The following INSYN2B variants were observed in gnomAD, a reference collection of about 807,000 sequenced individuals.
INSYN2B encodes the protein inhibitory synaptic factor family member 2B, also known as protein INSYN2B.
A neutral mutation model predicts 41.2 loss-of-function variants in INSYN2B; 16 were observed. The observed-to-expected ratio is 0.39, with a 90% CI of 0.26 to 0.59. The LOEUF (loss-of-function observed/expected upper bound fraction) is 0.59, where lower values mean the gene tolerates loss of function less well. Among genes scored for constraint, INSYN2B ranks in the 20% least tolerant of loss-of-function variants. The pLI is 0.57. For missense variants in INSYN2B, 608 were observed against 646.4 expected, an observed-to-expected ratio of 0.94 and a Z score of 0.64; for synonymous variants, 245 against 244.4, an observed-to-expected ratio of 1.00 and a Z score of -0.02.
chr5:169,936,497 A>G (rs747048422), intron 1 of INSYN2B, among the ~76,000 whole-genome samples: 1 of 152,170 alleles, frequency 6.6e-6, no homozygotes, highest in Non-Finnish European at 1.5e-5. Flanking sequence ...TAAGATAATC[A>G]AAATGAATAA....
intron 1 of INSYN2B, among the ~76,000 whole-genome samples, chr5:169,972,096 A>G (rs1358076309): frequency 6.6e-6 from 1 of 152,266 alleles, no homozygotes; most frequent in Non-Finnish European, 1.5e-5. Flanking sequence ...TAATCAAATT[A>G]TAAAATAAAA....
intron 1 of INSYN2B, among the ~76,000 whole-genome samples, chr5:169,894,395 C>G (rs1773472097): frequency 6.6e-6 from 1 of 152,174 alleles, no homozygotes; most frequent in Non-Finnish European, 1.5e-5. Flanking sequence ...ACCCCCTTCT[C>G]CTGACATAGA....
rs151079927 is a variant in INSYN2B at position 169,887,029 on chromosome 5, T to G, written c.-918-2213A>C. On this transcript the variant is annotated intron_variant, in intron 1 of 3. Coordinates refer to ENST00000377365, the MANE Select transcript of INSYN2B (RefSeq NM_001129891.3). ...AACTGAGGCACAGAAGATGAATATA[T>G]TTATACCAAGTTATTCACACTGATA... 2.0e-4 allele frequency among the ~76,000 whole-genome samples: 31 copies of G among 152,352 alleles called. No individual in the cohort carries two copies. In the East Asian group the frequency reaches 6.0e-3, roughly 29 times the overall value.
At position 169,925,578 on chromosome 5, in the gene INSYN2B, T is replaced by TAAAAAAAAAAAAAAAA. The variant is rs1561828965; in HGVS notation, c.-918-40763_-918-40762insTTTTTTTTTTTTTTTT. ...CTGGGCGACAGAGCAAGACTCTGTC[T>TAAAAAAAAAAAAAAAA]TAAAAAAAAAAAAAAAAAAAAAAAA... On this transcript the variant is annotated intron_variant, in intron 1 of 3. Coordinates refer to ENST00000377365, the MANE Select transcript of INSYN2B (RefSeq NM_001129891.3). Among the ~76,000 whole-genome samples the TAAAAAAAAAAAAAAAA allele has an allele frequency of 9.3e-5, 3 of 32,324 alleles. 1 individual carries two copies. The highest frequency in any genetic ancestry group is 3.8e-4 in the African/African-American group (3 of 7,838). The allele number at this position is 32,324 out of a possible 152,430, so 21.2% of individuals were successfully genotyped here.
intron 1 of INSYN2B, among the ~76,000 whole-genome samples, chr5:169,970,563 C>T (rs539685365): frequency 1.2e-3 from 179 of 152,316 alleles, no homozygotes; most frequent in Middle Eastern, 3.4e-3. Context: ...CCCAACCTCT[C>T]TGGTCCATGG....
chr5:169,922,342 C>T (rs1268175311), intron 1 of INSYN2B, among the ~76,000 whole-genome samples: 1 of 152,142 alleles, frequency 6.6e-6, no homozygotes, highest in Non-Finnish European at 1.5e-5. Flanking sequence ...ATCTGGAATA[C>T]CAAGAAATAA....
chr5:169,943,743 G>A lies in INSYN2B; in HGVS notation c.-919+36534C>T, dbSNP rs984605699. 2.6e-5 allele frequency among the ~76,000 whole-genome samples: 4 copies of A among 152,208 alleles called. No individual in the cohort carries two copies. In the South Asian group the frequency reaches 8.3e-4, roughly 32 times the overall value. ...GCTTGTTAGAAATGCACATTCTCAG[G>A]CCCTTCCCAGGCCTACTGATTCAGA... On this transcript the variant is annotated intron_variant, in intron 1 of 3. Transcript: ENST00000377365.
intron 1 of INSYN2B, among the ~76,000 whole-genome samples, chr5:169,914,450 T>C (rs1774768996): frequency 6.6e-6 from 1 of 152,204 alleles, no homozygotes; most frequent in African/African-American, 2.4e-5. Context: ...GGCTCCTGTT[T>C]TATGGGGCTT....
chr5:169,902,619 T>A (rs984027036), intron 1 of INSYN2B, among the ~76,000 whole-genome samples: 1 of 152,198 alleles, frequency 6.6e-6, no homozygotes, highest in Non-Finnish European at 1.5e-5. Flanking sequence ...CTGGGGCCAT[T>A]TGGGAAGCTG....
intron 3 of INSYN2B, among the ~76,000 whole-genome samples, chr5:169,874,782 G>A (rs1407469856): frequency 1.3e-5 from 2 of 152,178 alleles, no homozygotes; most frequent in South Asian, 4.1e-4. Flanking sequence ...GGGACTGAGA[G>A]AGGTGGGAGG....
intron 1 of INSYN2B, among the ~76,000 whole-genome samples, chr5:169,966,170 A>G (rs1194798818): frequency 6.6e-6 from 1 of 152,242 alleles, no homozygotes; most frequent in East Asian, 1.9e-4. Flanking sequence ...TAGGAGCATA[A>G]TTGGTGGCTT....
At chr5:169,893,513 C>G (rs1185390625) in intron 1 of INSYN2B, among the ~76,000 whole-genome samples, 1 of 142,088 alleles carries the variant, frequency 7.0e-6, no homozygotes, top group African/African-American at 2.6e-5. Context: ...CACTTTTTGA[C>G]TTTAAATAAT....
chr5:169,884,904 A>G (rs778509084), intron 1 of INSYN2B, 88 bp from the exon 2 acceptor site: 1 of 152,154 alleles, frequency 6.6e-6, no homozygotes, highest in Non-Finnish European at 1.5e-5. Context: ...CTAGCTGAGT[A>G]TTTTGAGTGG....
intron 1 of INSYN2B, among the ~76,000 whole-genome samples, chr5:169,925,401 G>A (rs1775385061): frequency 6.6e-6 from 1 of 152,040 alleles, no homozygotes; most frequent in Non-Finnish European, 1.5e-5. Context: ...CCAACATGGT[G>A]AAACCCCATC....
chr5:169,929,636 G>A (rs1028094794), intron 1 of INSYN2B, among the ~76,000 whole-genome samples: 8 of 151,838 alleles, frequency 5.3e-5, no homozygotes, highest in African/African-American at 1.7e-4. Context: ...CCTGCTACTC[G>A]GAGGCTGAGG....
chr5:169,908,749 C>G (rs1052919444), intron 1 of INSYN2B, among the ~76,000 whole-genome samples: 2 of 128,362 alleles, frequency 1.6e-5, no homozygotes, highest in Non-Finnish European at 3.1e-5. Context: ...GAGTCTCACT[C>G]TGTCGCCCAG....
intron 3 of INSYN2B, among the ~76,000 whole-genome samples, chr5:169,871,448 C>T (rs540596473): frequency 1.4e-4 from 22 of 152,188 alleles, no homozygotes; most frequent in Non-Finnish European, 2.9e-4. Flanking sequence ...AGACACTATG[C>T]TACAAGTTTA....
chr5:169,865,183 G>A lies in INSYN2B; in HGVS notation c.1422-724C>T, dbSNP rs532633759. ...GATGGACATTCCCAACCTCTTTTTC[G>A]TTGTTGTTGTTGTTGGCTATTTTAC... On this transcript the variant is annotated intron_variant, in intron 3 of 3. Transcript: ENST00000377365. Among the ~76,000 whole-genome samples, 89 of 152,098 alleles carry A rather than the reference G, an allele frequency of 5.9e-4. 1 individual carries two copies. The highest frequency in any genetic ancestry group is 1.8e-3 in the African/African-American group (74 of 41,482).
Position 169,978,282 on chromosome 5 carries a change from C to T in INSYN2B, c.-919+1995G>A, listed in dbSNP as rs72828618. ...ATGGGCAGGCAGCACCCATGCCCCT[C>T]GCCCCTATTTTGTTTGTTTGTTTCC... On this transcript the variant is annotated intron_variant, in intron 1 of 3. Transcript: ENST00000377365. Among the ~76,000 whole-genome samples the T allele has an allele frequency of 3.2e-3, 487 of 150,526 alleles. 1 individual carries two copies. The highest frequency in any genetic ancestry group is 5.6e-3 in the Non-Finnish European group (377 of 67,818).
Sources: gnomAD v4.1 joint callset for allele counts (sites outside exome capture counted in the v4.1 genomes callset) on GRCh38, gnomAD v4.1.1 for gene constraint, MANE v1.5 for transcripts, NCBI Gene and HGNC (gene_info 2026-07-23, HGNC 2026-07-21) for gene names.